The following ATAD2B variants were observed in gnomAD, a reference collection of about 807,000 sequenced individuals.
The protein encoded by ATAD2B is ATPase family AAA domain-containing protein 2B.
In ATAD2B, 40 loss-of-function variants were observed where a neutral mutation model predicts 167.6. The ratio of observed to expected loss-of-function variants is 0.24; its 90% CI spans 0.19 to 0.31. ATAD2B has a LOEUF of 0.31. Among genes scored for constraint, ATAD2B ranks in the 10% least tolerant of loss-of-function variants. ATAD2B has a pLI of 1.00. For synonymous variants in ATAD2B, 579 were observed against 596.5 expected, an observed-to-expected ratio of 0.97 and a Z score of 0.43; for missense variants, 1,242 against 1,757.2, an observed-to-expected ratio of 0.71 and a Z score of 5.24.
chr2:23,810,503 CTGTAATACA>C lies in ATAD2B; in HGVS notation c.2268-10_2268-2del. 6.2e-7 allele frequency: 1 copy of C among 1,611,342 alleles called. No individual in the cohort carries two copies. The highest frequency in any genetic ancestry group is 8.5e-7 in the Non-Finnish European group (1 of 1,177,716). On this transcript the variant is annotated splice_acceptor_variant and splice_polypyrimidine_tract_variant and intron_variant, in intron 17 of 27. Transcript: ENST00000238789. LOFTEE classifies it high-confidence loss of function. ...AGAGGTTGGCTGATGATATGGTGAC[CTGTAATACA>C]TGTAAGACATAATTATTTCAAAGGC...
At chr2:23,753,857 T>A (rs1055579255) in intron 27 of ATAD2B, among the ~76,000 whole-genome samples, 3 of 152,064 alleles carry the variant, frequency 2.0e-5, no homozygotes, top group African/African-American at 7.2e-5. Flanking sequence ...AGTGACAGGC[T>A]CAATTGGCAC....
At position 23,788,510 on chromosome 2, in the gene ATAD2B, A is replaced by T; in HGVS notation, c.2776+2T>A. 6.2e-7 allele frequency: 1 copy of T among 1,612,536 alleles called. No homozygotes were observed. Among genetic ancestry groups the T allele is most frequent in the Non-Finnish European group, 8.5e-7 (1 of 1,179,066 alleles). On this transcript the variant is annotated splice_donor_variant, in intron 20 of 27. Transcript: ENST00000238789. LOFTEE classifies it high-confidence loss of function. Reference sequence around the variant, plus strand: ...TTTTCCTAAAGGCTTTACAAACTTTACCAGCATGTTTCCTTCGTGGTGGAG... The same window carrying T: ...TTTTCCTAAAGGCTTTACAAACTTTTCCAGCATGTTTCCTTCGTGGTGGAG...
At chr2:23,892,489 T>A (rs1282197317) in intron 2 of ATAD2B, among the ~76,000 whole-genome samples, 13 of 150,504 alleles carry the variant, frequency 8.6e-5, no homozygotes, top group African/African-American at 2.4e-4. Context: ...TTTTTTTTTT[T>A]AAGACAGAGT....
At chr2:23,844,097 C>T (rs1044984100) in intron 13 of ATAD2B, among the ~76,000 whole-genome samples, 2 of 152,122 alleles carry the variant, frequency 1.3e-5, no homozygotes, top group African/African-American at 2.4e-5. Flanking sequence ...CGCCACCATG[C>T]CCAGCTAATT....
chr2:23,716,659 A>G, the ATAD2B span, among the ~76,000 whole-genome samples: 2 of 152,180 alleles, frequency 1.3e-5, no homozygotes, highest in African/African-American at 2.4e-5. Context: ...TCTCCCCCAA[A>G]TTATCTGACT....
the ATAD2B span, among the ~76,000 whole-genome samples, chr2:23,698,490 G>C: frequency 5.9e-5 from 9 of 152,256 alleles, no homozygotes; most frequent in African/African-American, 1.9e-4. Context: ...CAGACACGAG[G>C]GGGCTTTGTT....
At chr2:23,882,808 TCAA>T (rs570777960) in intron 6 of ATAD2B, among the ~76,000 whole-genome samples, 7,389 of 146,832 alleles carry the variant, frequency 0.05, 239 homozygotes, top group Non-Finnish European at 0.074. Context: ...AGACTCCATC[TCAA>T]CAACAACAAC....
At chr2:23,822,653 C>A (rs1012096963) in intron 16 of ATAD2B, among the ~76,000 whole-genome samples, 1 of 151,478 alleles carries the variant, frequency 6.6e-6, no homozygotes, top group African/African-American at 2.4e-5. Flanking sequence ...GGGTGGCTCA[C>A]GCCTGTAATC....
chr2:23,790,049 T>C (rs1229117154), intron 19 of ATAD2B, among the ~76,000 whole-genome samples: 2 of 152,198 alleles, frequency 1.3e-5, no homozygotes, highest in Non-Finnish European at 2.9e-5. Context: ...GTCGTTCCAG[T>C]GCTTTTGTAG....
chr2:23,738,467 A>C, the ATAD2B span, among the ~76,000 whole-genome samples: 3 of 152,186 alleles, frequency 2.0e-5, no homozygotes, highest in Admixed American at 6.5e-5. Context: ...TAAGTGAAGG[A>C]GAAATAAAAC....
At chr2:23,713,567 C>T in the ATAD2B span, among the ~76,000 whole-genome samples, 1 of 152,092 alleles carries the variant, frequency 6.6e-6, no homozygotes, top group Non-Finnish European at 1.5e-5. Context: ...TAGCATACTC[C>T]CCATTCTCCC....
rs756690744 is a variant in ATAD2B, at chr2:23,819,770, A to G, written c.2244T>C (p.His748=). ...PKKQSSSAAI[H]KPYLHFTMSP... is the part of the protein sequence containing the mutation. ...ACATTGTAAAATGAAGGTAGGGTTT[A>G]TGTATAGCAGCAGATGATGACTGTT... is the stretch of plus-strand genomic sequence containing the variant. Residue 748 remains histidine (H), a synonymous_variant, in exon 17 of 28, where the codon CAT becomes CAC. Coordinates refer to ENST00000238789, the MANE Select transcript of ATAD2B (RefSeq NM_017552.4). The G allele has an allele frequency of 3.1e-6, 5 of 1,609,296 alleles. No individual in the cohort carries two copies. The highest frequency in any genetic ancestry group is 4.2e-6 in the Non-Finnish European group (5 of 1,177,190).
rs535777638 is a variant in ATAD2B, at chr2:23,872,669, A to G, written c.978-2908T>C. ...TGGAACATCATAGGAGAGCCTCCAG[A>G]TCTTCACCTGGGCCTCACCATGCTT... is the stretch of plus-strand genomic sequence containing the variant. On this transcript the variant is annotated intron_variant, in intron 8 of 27. Transcript: ENST00000238789. The G allele has an allele frequency of 5.6e-5, 75 of 1,345,806 alleles. No individual in the cohort carries two copies. The African/African-American group carries it at 9.6e-4, about 17-fold the overall frequency. The allele number at this position is 1,345,806 out of a possible 1,614,324, so 83.4% of individuals were successfully genotyped here.
At chr2:23,892,136 G>A (rs1244043865) in intron 2 of ATAD2B, among the ~76,000 whole-genome samples, 1 of 152,116 alleles carries the variant, frequency 6.6e-6, no homozygotes, top group Non-Finnish European at 1.5e-5. Flanking sequence ...AAACTTTCAA[G>A]CATGCTACAT....
chr2:23,743,625 T>C, the ATAD2B span, among the ~76,000 whole-genome samples: 2 of 150,924 alleles, frequency 1.3e-5, no homozygotes, highest in Non-Finnish European at 2.9e-5. Flanking sequence ...AACAAACTAG[T>C]TTTTAAAATT....
In ATAD2B at chr2:23,757,953, A is replaced by G. The variant is rs1194937100; in HGVS notation, c.3543T>C (p.Asn1181=). 6.8e-6 allele frequency: 11 copies of G among 1,613,428 alleles called. No homozygotes were observed. The highest frequency in any genetic ancestry group is 8.5e-6 in the Non-Finnish European group (10 of 1,179,724). ...AGTCAGTGCTTACCTCAAACTCTCC[A>G]TTCTCTAATAATTTCCTGTCCTCCG... ...NHTEDRKLLE[N]GEFEVSTDCH... Residue 1181 remains asparagine, a synonymous_variant, in exon 25 of 28, where the codon AAT becomes AAC. Transcript: ENST00000238789.
chr2:23,756,174 C>T lies in ATAD2B; in HGVS notation c.4078+1244G>A, dbSNP rs562835375. ...ATGCTGTTATATTCATTACTTAACCCTAGCTTTAACATATTTTTAAAGTTC... is the reference window on the plus strand; with the variant it reads ...ATGCTGTTATATTCATTACTTAACCTTAGCTTTAACATATTTTTAAAGTTC... On this transcript the variant is annotated intron_variant, in intron 25 of 27. Transcript: ENST00000238789. Among the ~76,000 whole-genome samples, 3 of 152,230 alleles carry T rather than the reference C, an allele frequency of 2.0e-5. No individual in the cohort carries two copies. In the South Asian group the frequency reaches 6.2e-4, roughly 32 times the overall value.
intron 1 of ATAD2B, among the ~76,000 whole-genome samples, chr2:23,909,439 C>CATACATAT (rs1553456302): frequency 2.7e-5 from 4 of 149,702 alleles, no homozygotes; most frequent in Admixed American, 6.7e-5. Context: ...TACATACATA[C>CATACATAT]ATATATATAT....
intron 22 of ATAD2B, among the ~76,000 whole-genome samples, chr2:23,771,001 T>C (rs1448499878): frequency 6.6e-6 from 1 of 152,234 alleles, no homozygotes; most frequent in Non-Finnish European, 1.5e-5. Context: ...GGGTCTTCTT[T>C]ATCTCACTAA....
Sources: gnomAD v4.1 joint callset for allele counts (sites outside exome capture counted in the v4.1 genomes callset) on GRCh38, gnomAD v4.1.1 for gene constraint, MANE v1.5 for transcripts, NCBI Gene and HGNC (gene_info 2026-07-23, HGNC 2026-07-21) for gene names.